The following ECM2 variants were observed in gnomAD, a reference collection of about 807,000 sequenced individuals.
The protein encoded by ECM2 is extracellular matrix protein 2, female organ and adipocyte specific.
A neutral mutation model predicts 67.5 loss-of-function variants in ECM2; 57 were observed. That is an observed-to-expected ratio of 0.84 (90% confidence interval 0.68 to 1.05). The LOEUF is 1.05. Ranked by LOEUF, ECM2 falls within the 50% of genes least tolerant of loss-of-function variation. The pLI is 0.00. For synonymous variants in ECM2, 258 were observed against 294.5 expected, an observed-to-expected ratio of 0.88 and a Z score of 1.27; for missense variants, 741 against 822.8, an observed-to-expected ratio of 0.90 and a Z score of 1.22.
chr9:92,511,985 A>G lies in ECM2; in HGVS notation c.1170+26T>C, dbSNP rs529992696. The G allele has an allele frequency of 1.9e-6, 3 of 1,551,398 alleles. No homozygotes were observed. The South Asian group carries it at 3.5e-5, about 18-fold the overall frequency. On this transcript the variant is annotated intron_variant, in intron 5 of 9. Transcript: ENST00000344604. ...AGTCATAGTGAAGCCATTCATCCAA[A>G]TAGACAAATCAGAGCATGTATTTAC...
intron 7 of ECM2, 34 bp from the exon 8 acceptor site, chr9:92,502,686 T>C (rs1370456571): frequency 3.4e-6 from 5 of 1,480,814 alleles, no homozygotes; most frequent in Non-Finnish European, 3.7e-6. Flanking sequence ...TATTTTTCTT[T>C]TGTGTTAGTT....
At chr9:92,541,923 A>G in the ECM2 span, among the ~76,000 whole-genome samples, 1 of 152,026 alleles carries the variant, frequency 6.6e-6, no homozygotes. Flanking sequence ...CTTCATGAGT[A>G]GCTGGGATTA....
At chr9:92,522,977 A>C (rs550283383) in intron 1 of ECM2, 84 bp from the exon 2 acceptor site, 2 of 1,278,972 alleles carry the variant, frequency 1.6e-6, no homozygotes, top group East Asian at 5.0e-5. Context: ...TGTATGCCTC[A>C]GTAGGCAAGT....
At chr9:92,525,912 AAAAG>A (rs1475724650) in intron 1 of ECM2, among the ~76,000 whole-genome samples, 222 of 151,730 alleles carry the variant, frequency 1.5e-3, no homozygotes, top group South Asian at 7.7e-3. Context: ...AAAAAAAAAA[AAAAG>A]CACATACAAT....
downstream of ECM2, chr9:92,494,236 A>G: frequency 7.1e-7 from 1 of 1,417,150 alleles, no homozygotes; most frequent in Non-Finnish European, 9.7e-7. Context: ...CTGCTGACTC[A>G]CCTTATTCAG....
chr9:92,511,510 T>C (rs1847341691), intron 5 of ECM2, among the ~76,000 whole-genome samples: 1 of 151,978 alleles, frequency 6.6e-6, no homozygotes, highest in East Asian at 1.9e-4. Flanking sequence ...TCTCTCTCTT[T>C]CCCTCTTCTT....
chr9:92,548,749 A>G, the ECM2 span, among the ~76,000 whole-genome samples: 1 of 152,330 alleles, frequency 6.6e-6, no homozygotes, highest in Admixed American at 6.5e-5. Flanking sequence ...GGGTATTGGG[A>G]GATACCATAC....
chr9:92,524,378 C>G (rs1294561378), intron 1 of ECM2, among the ~76,000 whole-genome samples: 1 of 152,114 alleles, frequency 6.6e-6, no homozygotes, highest in African/African-American at 2.4e-5. Flanking sequence ...ACAGTAGTAG[C>G]ATTATGGTCA....
the ECM2 span, among the ~76,000 whole-genome samples, chr9:92,557,836 G>T: frequency 6.6e-6 from 1 of 152,128 alleles, no homozygotes; most frequent in South Asian, 2.1e-4. Flanking sequence ...GTAGAGACGG[G>T]ATTTCAACAT....
chr9:92,510,755 T>C (rs1029714555), intron 5 of ECM2, among the ~76,000 whole-genome samples: 7 of 152,216 alleles, frequency 4.6e-5, no homozygotes, highest in African/African-American at 1.7e-4. Flanking sequence ...GGACAGAGAA[T>C]TCCAAAGCAA....
At chr9:92,519,953 A>G (rs1343798702) in intron 2 of ECM2, among the ~76,000 whole-genome samples, 1 of 151,278 alleles carries the variant, frequency 6.6e-6, no homozygotes, top group Non-Finnish European at 1.5e-5. Context: ...AAGAACTCTT[A>G]CAACTCAACT....
the ECM2 span, among the ~76,000 whole-genome samples, chr9:92,546,396 C>T: frequency 0.021 from 3,202 of 152,336 alleles, 85 homozygotes; most frequent in South Asian, 0.12. Context: ...CTGCTGCTCA[C>T]TCTTTGGGTC....
intron 2 of ECM2, among the ~76,000 whole-genome samples, chr9:92,518,147 G>T (rs1194575152): frequency 6.6e-6 from 1 of 152,148 alleles, no homozygotes; most frequent in Non-Finnish European, 1.5e-5. Context: ...TATCCATCAG[G>T]ATAGATTAAA....
At chr9:92,550,542 A>C in the ECM2 span, among the ~76,000 whole-genome samples, 2 of 150,556 alleles carry the variant, frequency 1.3e-5, no homozygotes, top group African/African-American at 4.9e-5. Context: ...GTTTTCTTAG[A>C]CCTGTTTTTT....
chr9:92,513,128 C>T (rs1403504254), intron 4 of ECM2, among the ~76,000 whole-genome samples: 5 of 152,170 alleles, frequency 3.3e-5, no homozygotes, highest in Non-Finnish European at 7.4e-5. Flanking sequence ...ATTACCCAGA[C>T]GAATGCTCCT....
In ECM2 at chr9:92,501,064, GA is replaced by G. The variant is rs1564357163; in HGVS notation, c.1605-12del. 2 of 1,606,110 alleles carry G rather than the reference GA, an allele frequency of 1.2e-6. No individual in the cohort carries two copies. Among genetic ancestry groups the G allele is most frequent in the Non-Finnish European group, 1.7e-6 (2 of 1,175,178 alleles). ...ATGGATTCTAGATTTCTGCAGCAAA[GA>G]AAAAAGTAAACAGGGTAGGGACATC... On this transcript the variant is annotated splice_polypyrimidine_tract_variant and intron_variant, in intron 8 of 9. Transcript: ENST00000344604.
chr9:92,500,880 A>T lies in ECM2; in HGVS notation c.1778T>A (p.Leu593His). ...LEYLYLSFNK[L>H]ADDGMDRVSF... is the part of the protein sequence containing the mutation. Reference sequence around the variant, plus strand: ...GACACGGTCCATGCCATCATCAGCAAGTTTGTTAAATGACAGGTACAAGTA... The same window carrying T: ...GACACGGTCCATGCCATCATCAGCATGTTTGTTAAATGACAGGTACAAGTA... The change falls in exon 9 of 10, where the codon CTT becomes CAT. Residue 593 changes from leucine to histidine, a missense_variant. Transcript: ENST00000344604. 6.2e-7 allele frequency: 1 copy of T among 1,614,192 alleles called. No individual in the cohort carries two copies. The highest frequency in any genetic ancestry group is 8.5e-7 in the Non-Finnish European group (1 of 1,180,032).
downstream of ECM2, chr9:92,494,017 AC>A: frequency 6.5e-7 from 1 of 1,529,950 alleles, no homozygotes; most frequent in East Asian, 2.3e-5. Context: ...TCGCATTGTC[AC>A]CCATTTTTCT....
At chr9:92,547,756 A>G in the ECM2 span, among the ~76,000 whole-genome samples, 1 of 152,252 alleles carries the variant, frequency 6.6e-6, no homozygotes, top group African/African-American at 2.4e-5. Flanking sequence ...CTAGGAATAT[A>G]CTAAAAACCA....
Sources: gnomAD v4.1 joint callset for allele counts (sites outside exome capture counted in the v4.1 genomes callset) on GRCh38, gnomAD v4.1.1 for gene constraint, MANE v1.5 for transcripts, NCBI Gene and HGNC (gene_info 2026-07-23, HGNC 2026-07-21) for gene names.